Variants in DHRS1 observed in about 807,000 individuals in gnomAD.
The protein encoded by DHRS1 is dehydrogenase/reductase 1.
A neutral mutation model predicts 35.2 loss-of-function variants in DHRS1; 34 were observed. The observed-to-expected ratio is 0.97, with a 90% CI of 0.74 to 1.29. The LOEUF is 1.29. Among genes scored for constraint, DHRS1 ranks in the 50% most tolerant of loss-of-function variants. DHRS1 has a pLI of 0.00. For missense variants in DHRS1, 354 were observed against 403.6 expected, an observed-to-expected ratio of 0.88 and a Z score of 1.05; for synonymous variants, 133 against 160.0, an observed-to-expected ratio of 0.83 and a Z score of 1.27.
chr14:24,295,516 T>C (rs1187234348), intron 4 of DHRS1, among the ~76,000 whole-genome samples: 1 of 152,164 alleles, frequency 6.6e-6, no homozygotes, highest in Non-Finnish European at 1.5e-5. Flanking sequence ...CAGGGGCTCA[T>C]CAAGGGGCCT....
In DHRS1 at chr14:24,291,632, C is replaced by G. The variant is rs761633606; in HGVS notation, c.655-7G>C. ...ATGAGAAGGCTGATTTGAACTGAAA[C>G]ACAGGGGCAGAGAAGTGAAGGGTTA... On this transcript the variant is annotated splice_region_variant and splice_polypyrimidine_tract_variant and intron_variant, in intron 6 of 8. Transcript: ENST00000288111. 5 of 1,613,948 alleles carry G rather than the reference C, an allele frequency of 3.1e-6. No individual in the cohort carries two copies. Among genetic ancestry groups the G allele is most frequent in the Non-Finnish European group, 4.2e-6 (5 of 1,179,914 alleles).
chr14:24,296,995 C>T lies in DHRS1; in HGVS notation c.151-114G>A, dbSNP rs567252184. 2.1e-5 allele frequency: 30 copies of T among 1,447,716 alleles called. No homozygotes were observed. The Admixed American group carries it at 5.6e-4, about 27-fold the overall frequency. The allele number at this position is 1,447,716 out of a possible 1,614,324, so 89.7% of individuals were successfully genotyped here. On this transcript the variant is annotated intron_variant, in intron 2 of 8. Transcript: ENST00000288111. ...AGAAGACAATCAATCCTAGGAGAGC[C>T]TGCTGCAGAGGCAACATGGCAGGCA...
At chr14:24,297,085 G>A (rs2041262785) in intron 2 of DHRS1, among the ~76,000 whole-genome samples, 1 of 152,226 alleles carries the variant, frequency 6.6e-6, no homozygotes, top group African/African-American at 2.4e-5. Flanking sequence ...CACAGAGCAA[G>A]GTGAATTGCA....
At position 24,296,775 on chromosome 14, in the gene DHRS1, A is replaced by G. The variant is rs143496691; in HGVS notation, c.257T>C (p.Leu86Pro). ...EQVDREQQGRLDVLVNNAYAG... is the reference protein window; with the variant it reads ...EQVDREQQGRPDVLVNNAYAG... ...ATAAGCATTGTTGACCAGCACATCT[A>G]GACGCCCTTGCTGTTCCCGATCCAC... Residue 86 changes from leucine to proline, a missense_variant, in exon 3 of 9, where the codon CTA (leucine) becomes CCA (proline). Leu to Pro is a moderately conservative substitution (Grantham distance 98, BLOSUM62 -3). Transcript: ENST00000288111. 21 of 1,614,220 alleles carry G rather than the reference A, an allele frequency of 1.3e-5. No individual in the cohort carries two copies. Among genetic ancestry groups the G allele is most frequent in the Non-Finnish European group, 1.8e-5 (21 of 1,180,030 alleles).
Position 24,292,689 on chromosome 14 carries a change from T to C in DHRS1, c.470A>G (p.Tyr157Cys), listed in dbSNP as rs1041285707. The change falls in exon 5 of 9, where the codon TAT becomes TGT. Residue 157 changes from tyrosine to cysteine, a missense_variant. Tyr to Cys is a radical substitution (Grantham distance 194). Coordinates refer to ENST00000288111, the MANE Select transcript of DHRS1 (RefSeq NM_001136050.3). ...VVISSPGSLQ[Y>C]MFNVPYGVGK... Reference sequence around the variant, plus strand: ...CACACCATAGGGGACATTGAACATATACTGCAGGCTTCCTGGGGAGGAGAT... The same window carrying C: ...CACACCATAGGGGACATTGAACATACACTGCAGGCTTCCTGGGGAGGAGAT... The C allele has an allele frequency of 2.5e-6, 4 of 1,614,218 alleles. No individual in the cohort carries two copies. Among genetic ancestry groups the C allele is most frequent in the Non-Finnish European group, 3.4e-6 (4 of 1,180,038 alleles).
intron 6 of DHRS1, 26 bp downstream of exon 6, chr14:24,292,158 G>A: frequency 6.2e-7 from 1 of 1,613,898 alleles, no homozygotes; most frequent in East Asian, 2.2e-5. Flanking sequence ...CCTGTTCTCT[G>A]CTTCCTTCGC....
intron 1 of DHRS1, 52 bp from the exon 2 acceptor site, chr14:24,299,182 T>C: frequency 6.7e-7 from 1 of 1,499,438 alleles, no homozygotes; most frequent in East Asian, 2.4e-5. Flanking sequence ...GTGTGTGTGT[T>C]GGGGCGAGGT....
At position 24,292,219 on chromosome 14, in the gene DHRS1, T is replaced by C. The variant is rs766243922; in HGVS notation, c.619A>G (p.Lys207Glu). 1.2e-6 allele frequency: 2 copies of C among 1,614,094 alleles called. No homozygotes were observed. Among genetic ancestry groups the C allele is most frequent in the East Asian group, 4.5e-5 (2 of 44,882 alleles). ...ACAGGATCCTGCAGGACCTCCTCCT[T>C]TGCCATATGCTCCTTCAGCAGTTCT... The part of the protein sequence containing the change: ...QTELLKEHMA[K>E]EEVLQDPVLK... The change falls in exon 6 of 9, where the codon AAG (lysine) becomes GAG (glutamate). Residue 207 changes from lysine to glutamate, a missense_variant. Physicochemically the swap from Lys to Glu is moderately conservative, Grantham distance 56. Transcript: ENST00000288111.
chr14:24,296,686 G>C, intron 3 of DHRS1, 52 bp downstream of exon 3: 1 of 1,613,964 alleles, frequency 6.2e-7, no homozygotes, highest in East Asian at 2.2e-5. Context: ...AGATGCAGGG[G>C]TCTGAGGGGG....
rs1325813130 is a variant in DHRS1 at position 24,296,744 on chromosome 14, C to G, written c.288G>C (p.Gly96=). ...LDVLVNNAYA[G]VQTILNTRNK... is the part of the protein sequence containing the mutation. ...AACAAAGTTCAAAGGGTACCTGGACCCCTGCATAAGCATTGTTGACCAGCA... is the reference window on the plus strand; with the variant it reads ...AACAAAGTTCAAAGGGTACCTGGACGCCTGCATAAGCATTGTTGACCAGCA... Residue 96 remains glycine (G), a synonymous_variant, in exon 3 of 9, where the codon GGG becomes GGC. Transcript: ENST00000288111. The G allele has an allele frequency of 6.2e-7, 1 of 1,613,982 alleles. No homozygotes were observed. Among genetic ancestry groups the G allele is most frequent in the African/African-American group, 1.3e-5 (1 of 74,874 alleles).
chr14:24,299,314 T>C (rs2041323864), intron 1 of DHRS1, 184 bp from the exon 2 acceptor site: 2 of 569,162 alleles, frequency 3.5e-6, no homozygotes, highest in East Asian at 5.9e-5. Flanking sequence ...TGACTGTCTT[T>C]TGGGAGGCCC....
chr14:24,297,162 A>G (rs528760878), intron 2 of DHRS1, among the ~76,000 whole-genome samples: 85 of 152,348 alleles, frequency 5.6e-4, no homozygotes, highest in South Asian at 1.2e-3. Context: ...GTACTTTGCA[A>G]GTAGAGGGTA....
chr14:24,292,308 C>T lies in DHRS1; in HGVS notation c.530G>A (p.Cys177Tyr), dbSNP rs770904861. 3.7e-6 allele frequency: 6 copies of T among 1,613,946 alleles called. No homozygotes were observed. The highest frequency in any genetic ancestry group is 2.7e-5 in the African/African-American group (2 of 74,904). ...CCCATGGCGCCGCAGCTCGTGGGCA[C>T]AGTCAGCAGCCAGCTTGTCACACTG... Reference protein sequence around the residue: ...KAACDKLAADCAHELRRHGVS... With the variant: ...KAACDKLAADYAHELRRHGVS... The change falls in exon 6 of 9, where the codon TGT becomes TAT. Residue 177 changes from cysteine (C) to tyrosine (Y), a missense_variant. Cys to Tyr is a radical substitution (Grantham distance 194). Coordinates refer to ENST00000288111, the MANE Select transcript of DHRS1 (RefSeq NM_001136050.3).
Position 24,290,714 on chromosome 14 carries a change from G to T in DHRS1, c.*145C>A. 9.5e-7 allele frequency: 1 copy of T among 1,051,448 alleles called. No homozygotes were observed. Among genetic ancestry groups the T allele is most frequent in the Non-Finnish European group, 1.4e-6 (1 of 713,576 alleles). 65.1% of individuals were successfully genotyped at this position (1,051,448 alleles called of 1,614,324 possible). A position where few individuals can be genotyped will look rare whatever the true frequency, so the allele number is the denominator to read the frequency against. Reference sequence around the variant, plus strand: ...AAAGAAGGGACCTAGGCGCACCCCAGAACTCACCACGGACACACAGCAGAG... The same window carrying T: ...AAAGAAGGGACCTAGGCGCACCCCATAACTCACCACGGACACACAGCAGAG... On this transcript the variant is annotated 3_prime_UTR_variant, in exon 9 of 9. Transcript: ENST00000288111.
intron 8 of DHRS1, 27 bp from the exon 9 acceptor site, chr14:24,291,022 A>C (rs778287414): frequency 1.2e-6 from 2 of 1,613,892 alleles, no homozygotes; most frequent in Non-Finnish European, 1.7e-6. Context: ...GAGGAGGATT[A>C]GATTCTCATT....
At position 24,291,608 on chromosome 14, in the gene DHRS1, T is replaced by C; in HGVS notation, c.672A>G (p.Ser224=). 1 of 1,614,206 alleles carries C rather than the reference T, an allele frequency of 6.2e-7. No individual in the cohort carries two copies. Among genetic ancestry groups the C allele is most frequent in the Non-Finnish European group, 8.5e-7 (1 of 1,180,028 alleles). ...PVLKQFKSAF[S]SAETTELSGK... ...CACTCAATTCTGTGGTTTCCGCAGATGAGAAGGCTGATTTGAACTGAAACA... is the reference window on the plus strand; with the variant it reads ...CACTCAATTCTGTGGTTTCCGCAGACGAGAAGGCTGATTTGAACTGAAACA... The change falls in exon 7 of 9, where the codon TCA becomes TCG. Residue 224 remains serine, a synonymous_variant. Coordinates refer to ENST00000288111, the MANE Select transcript of DHRS1 (RefSeq NM_001136050.3).
Position 24,296,564 on chromosome 14 carries a change from C to T in DHRS1, c.319G>A (p.Ala107Thr). The T allele has an allele frequency of 6.2e-7, 1 of 1,614,050 alleles. No homozygotes were observed. The highest frequency in any genetic ancestry group is 1.3e-5 in the African/African-American group (1 of 74,992). ...ATGGAGGCAGGGGTTTCCCAGAATG[C>T]CTTATTCCTGGTGTTCAGGATCGTC... is the stretch of plus-strand genomic sequence containing the variant. ...VQTILNTRNK[A>T]FWETPASMWD... Residue 107 changes from alanine to threonine, a missense_variant, in exon 4 of 9, where the codon GCA becomes ACA. Transcript: ENST00000288111.
In DHRS1 at chr14:24,299,129, G is replaced by T. The variant is rs200320943; in HGVS notation, c.-23C>A. 1.7e-4 allele frequency: 271 copies of T among 1,604,164 alleles called. 1 individual carries two copies. The highest frequency in any genetic ancestry group is 1.5e-3 in the Admixed American group (89 of 59,594). On this transcript the variant is annotated splice_region_variant and 5_prime_UTR_variant, in exon 2 of 9. Coordinates refer to ENST00000288111, the MANE Select transcript of DHRS1 (RefSeq NM_001136050.3). ...CATGACTCACAGGCAAAGGAGGCAGGTCTGTGGAAGCAAAGACTTACTCTG... is the reference window on the plus strand; with the variant it reads ...CATGACTCACAGGCAAAGGAGGCAGTTCTGTGGAAGCAAAGACTTACTCTG...
intron 4 of DHRS1, among the ~76,000 whole-genome samples, chr14:24,295,725 C>A (rs2041238503): frequency 6.6e-6 from 1 of 152,266 alleles, no homozygotes. Flanking sequence ...CCATCCTCCT[C>A]TGTCCTAATG....
Sources: allele counts gnomAD v4.1 joint callset (sites outside exome capture counted in the v4.1 genomes callset), GRCh38; gene constraint gnomAD v4.1.1; transcripts MANE v1.5; gene names NCBI Gene and HGNC (gene_info 2026-07-23, HGNC 2026-07-21).